MACROD2: variants seen among roughly 807,000 people sequenced by gnomAD.
MACROD2 encodes the protein mono-ADP ribosylhydrolase 2, also known as ADP-ribose glycohydrolase MACROD2.
In MACROD2, 36 loss-of-function variants were observed where a neutral mutation model predicts 70.4. The ratio of observed to expected loss-of-function variants is 0.51; its 90% CI spans 0.39 to 0.68. The LOEUF is 0.68. Ranked by LOEUF, MACROD2 falls within the 30% of genes least tolerant of loss-of-function variation. MACROD2 has a pLI of 0.00. For missense variants in MACROD2, 496 were observed against 538.4 expected, an observed-to-expected ratio of 0.92 and a Z score of 0.78; for synonymous variants, 172 against 178.8, an observed-to-expected ratio of 0.96 and a Z score of 0.30.
At chr20:15,286,672 G>T (rs144768069) in intron 6 of MACROD2, among the ~76,000 whole-genome samples, 9 of 152,198 alleles carry the variant, frequency 5.9e-5, no homozygotes, top group African/African-American at 2.2e-4. Context: ...AAGTAAGGTC[G>T]CCATTTAGTA....
intron 12 of MACROD2, among the ~76,000 whole-genome samples, chr20:15,937,816 G>A (rs1453072836): frequency 2.0e-5 from 3 of 151,666 alleles, no homozygotes; most frequent in African/African-American, 7.3e-5. Context: ...TGAAATGAGA[G>A]AATGATCAGA....
intron 8 of MACROD2, among the ~76,000 whole-genome samples, chr20:15,516,100 A>G (rs1338039376): frequency 6.6e-6 from 1 of 152,194 alleles, no homozygotes; most frequent in Non-Finnish European, 1.5e-5. Flanking sequence ...AACACCAGAC[A>G]ACCTTGGTCT....
At chr20:15,331,086 AT>A (rs73615572) in intron 6 of MACROD2, among the ~76,000 whole-genome samples, 17,581 of 151,640 alleles carry the variant, frequency 0.12, 1,272 homozygotes, top group Middle Eastern at 0.2. Context: ...TTAATATTTA[AT>A]TGTCTAAGCC....
intron 8 of MACROD2, among the ~76,000 whole-genome samples, chr20:15,831,576 A>G (rs768477346): frequency 6.6e-6 from 1 of 152,154 alleles, no homozygotes; most frequent in Non-Finnish European, 1.5e-5. Context: ...TTCATGGTCC[A>G]TCCTCCTGAC....
chr20:14,461,510 T>A (rs2084371163), intron 3 of MACROD2, among the ~76,000 whole-genome samples: 1 of 151,958 alleles, frequency 6.6e-6, no homozygotes, highest in African/African-American at 2.4e-5. Context: ...GTCTTTTTTT[T>A]TTATTATACT....
At chr20:14,403,940 T>C (rs1396485988) in intron 3 of MACROD2, among the ~76,000 whole-genome samples, 1 of 152,122 alleles carries the variant, frequency 6.6e-6, no homozygotes, top group Non-Finnish European at 1.5e-5. Flanking sequence ...AAAATTTATA[T>C]GTTTAATATG....
At chr20:14,470,458 G>T (rs1331984045) in intron 3 of MACROD2, among the ~76,000 whole-genome samples, 2 of 152,182 alleles carry the variant, frequency 1.3e-5, no homozygotes, top group Non-Finnish European at 2.9e-5. Flanking sequence ...CAAGTGCTGT[G>T]CTAGAAGATC....
At chr20:15,912,460 T>A (rs1366791373) in intron 10 of MACROD2, among the ~76,000 whole-genome samples, 6 of 152,226 alleles carry the variant, frequency 3.9e-5, no homozygotes, top group Non-Finnish European at 8.8e-5. Context: ...CCTGAAGTAA[T>A]GTGAAGAGCC....
At chr20:15,872,531 G>A (rs1380532437) in intron 9 of MACROD2, among the ~76,000 whole-genome samples, 1 of 152,072 alleles carries the variant, frequency 6.6e-6, no homozygotes, top group Admixed American at 6.6e-5. Flanking sequence ...ACCTTTTTCT[G>A]CTTCAGTTTT....
intron 3 of MACROD2, among the ~76,000 whole-genome samples, chr20:14,271,201 C>G (rs2082191787): frequency 6.6e-6 from 1 of 152,192 alleles, no homozygotes; most frequent in Admixed American, 6.5e-5. Flanking sequence ...CAAGTGGGTC[C>G]CTGACCCCTG....
intron 6 of MACROD2, among the ~76,000 whole-genome samples, chr20:15,343,958 T>C (rs187173111): frequency 7.2e-5 from 11 of 152,278 alleles, no homozygotes; most frequent in Non-Finnish European, 4.4e-5. Flanking sequence ...GGTGAATACA[T>C]GATTAACTAC....
At chr20:15,357,057 A>G (rs879332170) in intron 6 of MACROD2, among the ~76,000 whole-genome samples, 6 of 152,162 alleles carry the variant, frequency 3.9e-5, no homozygotes, top group African/African-American at 1.4e-4. Flanking sequence ...TGACTATCCA[A>G]TTAGTCTAGA....
intron 2 of MACROD2, among the ~76,000 whole-genome samples, chr20:14,029,771 T>C (rs776194335): frequency 5.3e-5 from 8 of 152,228 alleles, no homozygotes; most frequent in Non-Finnish European, 1.0e-4. Flanking sequence ...ACTATTGATA[T>C]TCCTATTCTA....
At chr20:14,026,696 T>C (rs1398137383) in intron 2 of MACROD2, among the ~76,000 whole-genome samples, 1 of 152,150 alleles carries the variant, frequency 6.6e-6, no homozygotes, top group Non-Finnish European at 1.5e-5. Context: ...GCTTGTAGGG[T>C]TTCTGCAGAG....
intron 2 of MACROD2, among the ~76,000 whole-genome samples, chr20:14,045,383 G>A (rs2053458074): frequency 6.6e-6 from 1 of 152,242 alleles, no homozygotes; most frequent in Admixed American, 6.5e-5. Flanking sequence ...GGCTTTTGGT[G>A]TGGGACTGAA....
chr20:14,417,777 T>C (rs1224303638), intron 3 of MACROD2, among the ~76,000 whole-genome samples: 1 of 152,218 alleles, frequency 6.6e-6, no homozygotes, highest in East Asian at 1.9e-4. Flanking sequence ...TACTTCTGTT[T>C]TGAATCCTTC....
intron 4 of MACROD2, among the ~76,000 whole-genome samples, chr20:14,562,107 C>T (rs953302141): frequency 4.0e-5 from 6 of 151,716 alleles, no homozygotes; most frequent in Admixed American, 2.0e-4. Flanking sequence ...GAGCAAAAGG[C>T]GTAATGATTG....
At chr20:14,565,527 T>C (rs1979741537) in intron 4 of MACROD2, among the ~76,000 whole-genome samples, 1 of 151,692 alleles carries the variant, frequency 6.6e-6, no homozygotes, top group East Asian at 1.9e-4. Context: ...TTGGCTTTTT[T>C]CCCCTCAGCA....
In MACROD2 at chr20:15,336,143, G is replaced by C. The variant is rs79020525; in HGVS notation, c.541-95262G>C. ...ATTTCTTGAGCACTGGTTGAGCATC[G>C]TGTTAGTAAAATTAAATGTTAATCT... On this transcript the variant is annotated intron_variant, in intron 6 of 17. Coordinates refer to ENST00000684519, the MANE Select transcript of MACROD2 (RefSeq NM_001351661.2). Among the ~76,000 whole-genome samples, 1,491 of 151,706 alleles carry C rather than the reference G, an allele frequency of 9.8e-3. 74 individuals carry two copies. The highest frequency in any genetic ancestry group is 0.034 in the African/African-American group (1,411 of 41,044).
Sources: gnomAD v4.1 joint callset for allele counts (sites outside exome capture counted in the v4.1 genomes callset) on GRCh38, gnomAD v4.1.1 for gene constraint, MANE v1.5 for transcripts, NCBI Gene and HGNC (gene_info 2026-07-23, HGNC 2026-07-21) for gene names.